The following USP25 variants were observed in gnomAD, a reference collection of about 807,000 sequenced individuals.
The protein encoded by USP25 is ubiquitin specific peptidase 25.
A neutral mutation model predicts 158.5 loss-of-function variants in USP25; 85 were observed. That is an observed-to-expected ratio of 0.54 (90% CI 0.45 to 0.64). The LOEUF (loss-of-function observed/expected upper bound fraction) is 0.64, where lower values mean the gene tolerates loss of function less well. Ranked by LOEUF, USP25 falls within the 30% of genes least tolerant of loss-of-function variation. The pLI is 0.00. For missense variants in USP25, 1,242 were observed against 1,327.3 expected (o/e 0.94, Z 1.00); for synonymous variants, 464 against 460.4 (o/e 1.01, Z -0.10).
intron 1 of USP25, among the ~76,000 whole-genome samples, chr21:15,758,859 G>A (rs763929163): frequency 2.1e-4 from 32 of 152,090 alleles, no homozygotes; most frequent in South Asian, 2.1e-4. Context: ...GGAAAAACCC[G>A]CCCCCATGAT....
chr21:15,749,626 C>T (rs2032833859), intron 1 of USP25, among the ~76,000 whole-genome samples: 1 of 152,070 alleles, frequency 6.6e-6, no homozygotes, highest in African/African-American at 2.4e-5. Context: ...ATACAAAAAG[C>T]TTTTAAATTG....
chr21:15,799,408 A>G (rs950252126), intron 5 of USP25: 2 of 160,246 alleles, frequency 1.2e-5, no homozygotes, highest in African/African-American at 2.4e-5. Flanking sequence ...ATACATCTAG[A>G]TAATTCATGG....
In USP25 at chr21:15,879,393, T is replaced by G. The variant is rs180907143; in HGVS notation, c.*918T>G. Reference sequence around the variant, plus strand: ...ATGGAGGACAATGTTTTGCAATATATAAATCATTCTATTTTTGTAAATTGT... The same window carrying G: ...ATGGAGGACAATGTTTTGCAATATAGAAATCATTCTATTTTTGTAAATTGT... On this transcript the variant is annotated 3_prime_UTR_variant, in exon 26 of 26. Coordinates refer to ENST00000400183, the MANE Select transcript of USP25 (RefSeq NM_001283041.3). The G allele has an allele frequency of 6.6e-6, 1 of 152,512 alleles. No individual in the cohort carries two copies. Among genetic ancestry groups the G allele is most frequent in the African/African-American group, 2.4e-5 (1 of 41,446 alleles). The allele number at this position is 152,512 out of a possible 1,614,324, so 9.4% of individuals were successfully genotyped here. A position where few individuals can be genotyped will look rare whatever the true frequency, so the allele number is the denominator to read the frequency against.
rs1471323489 is a variant in USP25, at chr21:15,730,417, G to T, written c.24G>T (p.Leu8=). The T allele has an allele frequency of 7.3e-7, 1 of 1,360,794 alleles. No homozygotes were observed. The highest frequency in any genetic ancestry group is 9.5e-7 in the Non-Finnish European group (1 of 1,047,476). 84.3% of individuals were successfully genotyped at this position (1,360,794 alleles called of 1,614,324 possible). A position where few individuals can be genotyped will look rare whatever the true frequency, so the allele number is the denominator to read the frequency against. ...CCATGACCGTGGAGCAGAACGTGCT[G>T]CAGCAGAGCGCGGCGCAGAAGGTGA... The part of the protein sequence containing the change: MTVEQNV[L]QQSAAQKHQQ... The change falls in exon 1 of 26, where the codon CTG becomes CTT. Residue 8 remains leucine, a synonymous_variant. Coordinates refer to ENST00000400183, the MANE Select transcript of USP25 (RefSeq NM_001283041.3).
intron 20 of USP25, among the ~76,000 whole-genome samples, chr21:15,861,344 T>C (rs553649204): frequency 1.3e-5 from 2 of 152,208 alleles, no homozygotes; most frequent in South Asian, 4.1e-4. Flanking sequence ...AGTGAAAAAG[T>C]TAAAAAAGTT....
At chr21:15,730,974 C>CTTTTTTTTTTTTT (rs1420306163) in intron 1 of USP25, among the ~76,000 whole-genome samples, 2 of 60,342 alleles carry the variant, frequency 3.3e-5, no homozygotes, top group African/African-American at 1.5e-4. Context: ...TTCTTCTTTT[C>CTTTTTTTTTTTTT]TGTTTTTTTT....
intron 1 of USP25, among the ~76,000 whole-genome samples, chr21:15,732,718 T>A (rs559721505): frequency 6.6e-6 from 1 of 152,358 alleles, no homozygotes; most frequent in African/African-American, 2.4e-5. Context: ...TCAAGATTTT[T>A]AAAACTTTTA....
Position 15,799,832 on chromosome 21 carries a change from C to G in USP25, c.631C>G (p.Arg211Gly). The G allele has an allele frequency of 2.5e-6, 4 of 1,600,536 alleles. No individual in the cohort carries two copies. In the South Asian group the frequency reaches 3.4e-5, roughly 13 times the overall value. ...KPPSNAQDLP[R>G]NQKEHRNLPF... ...TCCATCAAATGCTCAAGATTTACCC[C>G]GAAACCAAAAGGTAAAATTCAAAAG... Residue 211 changes from arginine to glycine, a missense_variant, in exon 6 of 26, where the codon CGA (arginine) becomes GGA (glycine). By Grantham distance (125) the Arg-to-Gly change is moderately radical. Transcript: ENST00000400183.
intron 1 of USP25, among the ~76,000 whole-genome samples, chr21:15,733,702 C>T (rs1454539556): frequency 2.0e-5 from 3 of 152,058 alleles, no homozygotes; most frequent in Admixed American, 6.6e-5. Flanking sequence ...ATTAGCCAGG[C>T]GTGGTGGCAC....
At chr21:15,834,530 C>CT (rs962780831) in intron 17 of USP25, among the ~76,000 whole-genome samples, 1 of 152,060 alleles carries the variant, frequency 6.6e-6, no homozygotes, top group Non-Finnish European at 1.5e-5. Flanking sequence ...CAGAGGTTTC[C>CT]TTGCAGCATT....
rs1049100232 is a variant in USP25, at chr21:15,843,261, A to G, written c.2337+721A>G. ...AGTCATTTATCTTTTATTAGTGAGC[A>G]TAAGCAGCTCTAATGCAGATTTTGT... On this transcript the variant is annotated intron_variant, in intron 18 of 25. Transcript: ENST00000400183. This position sits in a 1 kb window ranked among gnomAD's most constrained non-coding sequence, Gnocchi z 4.0. Among the ~76,000 whole-genome samples the G allele has an allele frequency of 1.1e-4, 17 of 152,208 alleles. No individual in the cohort carries two copies. The highest frequency in any genetic ancestry group is 4.1e-4 in the African/African-American group (17 of 41,462).
chr21:15,846,158 A>ATATATATTTT (rs1325255884), intron 18 of USP25, among the ~76,000 whole-genome samples: 1 of 23,942 alleles, frequency 4.2e-5, no homozygotes, highest in Non-Finnish European at 7.1e-5. Context: ...ATATATATAT[A>ATATATATTTT]TTTTTTTTTT....
intron 14 of USP25, among the ~76,000 whole-genome samples, chr21:15,827,677 T>A (rs958781738): frequency 6.6e-6 from 1 of 152,062 alleles, no homozygotes; most frequent in Non-Finnish European, 1.5e-5. Context: ...CCATTACTAG[T>A]CTGTAACAGA....
chr21:15,753,192 G>T (rs915079526), intron 1 of USP25, among the ~76,000 whole-genome samples: 1 of 152,178 alleles, frequency 6.6e-6, no homozygotes, highest in African/African-American at 2.4e-5. Flanking sequence ...TATGTCAGCA[G>T]GTAGGTCACG....
In USP25 at chr21:15,826,600, C is replaced by G. The variant is rs78988517; in HGVS notation, c.1466+235C>G. On this transcript the variant is annotated intron_variant, in intron 13 of 25. Coordinates refer to ENST00000400183, the MANE Select transcript of USP25 (RefSeq NM_001283041.3). This position sits in a 1 kb window ranked among gnomAD's most constrained non-coding sequence, Gnocchi z 4.8. ...CATTTTTTTTCAGTTCAGAATTATA[C>G]TTTAGCATGTTTTGGTATGTACATA... Among the ~76,000 whole-genome samples the G allele has an allele frequency of 0.073, 11,147 of 151,946 alleles. 474 individuals carry two copies. The highest frequency in any genetic ancestry group is 0.092 in the East Asian group (474 of 5,158).
At chr21:15,760,537 A>G (rs1374796904) in intron 1 of USP25, among the ~76,000 whole-genome samples, 1 of 152,218 alleles carries the variant, frequency 6.6e-6, no homozygotes, top group Admixed American at 6.5e-5. Flanking sequence ...TCTGTAAAAG[A>G]TACTTGGGCT....
Position 15,842,460 on chromosome 21 carries a change from T to C in USP25, c.2257T>C (p.Leu753=), listed in dbSNP as rs1195198849. Residue 753 remains leucine, a synonymous_variant, in exon 18 of 26, where the codon TTG becomes CTG. Transcript: ENST00000400183. Reference sequence around the variant, plus strand: ...ATCAAGAAGTGATTTCTCAAAGCACTTGAAAGAAGAAACTATTCAAATAAT... The same window carrying C: ...ATCAAGAAGTGATTTCTCAAAGCACCTGAAAGAAGAAACTATTCAAATAAT... ...QPSRSDFSKH[L]KEETIQIITK... 1 of 1,613,804 alleles carries C rather than the reference T, an allele frequency of 6.2e-7. No homozygotes were observed. Among genetic ancestry groups the C allele is most frequent in the Admixed American group, 1.7e-5 (1 of 59,966 alleles).
chr21:15,860,975 TAG>T (rs1555862138), intron 20 of USP25, among the ~76,000 whole-genome samples: 20 of 140,662 alleles, frequency 1.4e-4, no homozygotes, highest in African/African-American at 3.1e-4. Flanking sequence ...TATATATATA[TAG>T]AGAGAGAGAG....
At chr21:15,845,588 C>A (rs974361899) in intron 18 of USP25, among the ~76,000 whole-genome samples, 3 of 152,064 alleles carry the variant, frequency 2.0e-5, no homozygotes, top group African/African-American at 7.2e-5. Context: ...CATTTATGTT[C>A]CCTAAGTGCA....
Sources: gnomAD v4.1 joint callset for allele counts (sites outside exome capture counted in the v4.1 genomes callset) on GRCh38, gnomAD v4.1.1 for gene constraint, Gnocchi (gnomAD v3.1) non-coding constraint, MANE v1.5 for transcripts, NCBI Gene and HGNC (gene_info 2026-07-23, HGNC 2026-07-21) for gene names.